CHRM3: variants seen among roughly 807,000 people sequenced by gnomAD.
The protein encoded by CHRM3 is cholinergic receptor muscarinic 3.
CHRM3 carries 11 observed loss-of-function variants against 41.8 expected under a neutral mutation model. That is an observed-to-expected ratio of 0.26 (90% CI 0.17 to 0.44). The LOEUF (loss-of-function observed/expected upper bound fraction) is 0.44, where lower values mean the gene tolerates loss of function less well. Among genes scored for constraint, CHRM3 ranks in the 20% least tolerant of loss-of-function variants. The pLI, the probability that CHRM3 is intolerant of heterozygous loss-of-function variation, is 1.00. For missense variants in CHRM3, 571 were observed against 745.4 expected, an observed-to-expected ratio of 0.77 and a Z score of 2.72; for synonymous variants, 297 against 301.4, an observed-to-expected ratio of 0.99 and a Z score of 0.15.
intron 4 of CHRM3, among the ~76,000 whole-genome samples, chr1:239,663,588 T>TA (rs1447373499): frequency 6.6e-6 from 1 of 152,192 alleles, no homozygotes; most frequent in Non-Finnish European, 1.5e-5. Context: ...TAAAGCACAA[T>TA]AACTAAAACT....
At chr1:239,554,721 A>G (rs913049148) in intron 3 of CHRM3, among the ~76,000 whole-genome samples, 17 of 132,262 alleles carry the variant, frequency 1.3e-4, no homozygotes, top group African/African-American at 3.8e-4. Flanking sequence ...TGGTTCATGT[A>G]TTTCTTTCTT....
chr1:239,632,908 A>G (rs892728663), intron 4 of CHRM3, among the ~76,000 whole-genome samples: 5 of 152,228 alleles, frequency 3.3e-5, no homozygotes, highest in Non-Finnish European at 5.9e-5. Flanking sequence ...TCACAGTTCT[A>G]CATGGCCGGG....
rs72632885 is a variant in CHRM3 at position 239,656,251 on chromosome 1, A to G, written c.-249-21935A>G. Among the ~76,000 whole-genome samples, 437 of 152,146 alleles carry G rather than the reference A, an allele frequency of 2.9e-3. 14 individuals are homozygous for G. The East Asian group carries it at 0.075, about 26-fold the overall frequency. On this transcript the variant is annotated intron_variant, in intron 4 of 6. Coordinates refer to ENST00000676153, the MANE Select transcript of CHRM3 (RefSeq NM_001375978.1). ...GATCATTAGACACCTAAACCTCGAC[A>G]TCACACAAGATACTCGTGTAATAAA...
intron 3 of CHRM3, among the ~76,000 whole-genome samples, chr1:239,548,853 A>G (rs994280649): frequency 4.6e-5 from 7 of 152,220 alleles, no homozygotes; most frequent in South Asian, 2.1e-4. Flanking sequence ...AATAAAAGGA[A>G]AAAAGCAAGG....
chr1:239,580,318 G>T, intron 3 of CHRM3, among the ~76,000 whole-genome samples: 1 of 139,830 alleles, frequency 7.2e-6, no homozygotes, highest in Admixed American at 7.2e-5. Flanking sequence ...ATCAAAAATT[G>T]ACCATATTCA....
At chr1:239,813,173 G>C (rs534073076) in intron 5 of CHRM3, among the ~76,000 whole-genome samples, 11 of 152,270 alleles carry the variant, frequency 7.2e-5, no homozygotes, top group African/African-American at 1.2e-4. Context: ...AGCTACTTGG[G>C]AGGCTGAGGC....
chr1:239,485,109 C>T (rs1485404978), intron 1 of CHRM3, among the ~76,000 whole-genome samples: 9 of 152,020 alleles, frequency 5.9e-5, no homozygotes, highest in Admixed American at 4.6e-4. Flanking sequence ...AACTATTTCT[C>T]TACTAAGGAA....
intron 3 of CHRM3, among the ~76,000 whole-genome samples, chr1:239,606,844 G>C (rs1666363065): frequency 6.6e-6 from 1 of 152,070 alleles, no homozygotes; most frequent in Non-Finnish European, 1.5e-5. Context: ...GGTCTCTTCT[G>C]TGCACCCAAA....
At chr1:239,546,714 T>C (rs1447379290) in intron 3 of CHRM3, 1 of 152,194 alleles carries the variant, frequency 6.6e-6, no homozygotes, top group Non-Finnish European at 1.5e-5. Flanking sequence ...GCTGCTTCTC[T>C]CCATCGTGTT....
intron 5 of CHRM3, among the ~76,000 whole-genome samples, chr1:239,776,690 G>C (rs552836292): frequency 6.6e-6 from 1 of 152,140 alleles, no homozygotes; most frequent in Non-Finnish European, 1.5e-5. Flanking sequence ...TTCTCATGCT[G>C]CTAATAAAGA....
chr1:239,737,903 C>A (rs1481335825), intron 5 of CHRM3, among the ~76,000 whole-genome samples: 1 of 151,938 alleles, frequency 6.6e-6, no homozygotes, highest in Non-Finnish European at 1.5e-5. Context: ...AAAAAACAAA[C>A]AAACAAAAAA....
intron 5 of CHRM3, among the ~76,000 whole-genome samples, chr1:239,715,443 C>T (rs1306921497): frequency 6.6e-6 from 1 of 152,102 alleles, no homozygotes; most frequent in Non-Finnish European, 1.5e-5. Flanking sequence ...TACAGATGAC[C>T]ATGGCGTAAA....
At chr1:239,803,502 A>C (rs902613902) in intron 5 of CHRM3, among the ~76,000 whole-genome samples, 4 of 152,206 alleles carry the variant, frequency 2.6e-5, no homozygotes, top group Admixed American at 6.5e-5. Context: ...AGGAAAGTAT[A>C]TTATATCAGT....
chr1:239,886,823 GGT>G (rs1678112325), intron 6 of CHRM3, among the ~76,000 whole-genome samples: 1 of 152,106 alleles, frequency 6.6e-6, no homozygotes, highest in Non-Finnish European at 1.5e-5. Flanking sequence ...AGCATTACCG[GGT>G]TTCTCTGTGA....
At chr1:239,774,526 T>C (rs1667946072) in intron 5 of CHRM3, among the ~76,000 whole-genome samples, 1 of 152,212 alleles carries the variant, frequency 6.6e-6, no homozygotes, top group Non-Finnish European at 1.5e-5. Flanking sequence ...CTTTTGAGGC[T>C]GAAGTCTTTG....
At chr1:239,568,248 G>A (rs967251288) in intron 3 of CHRM3, among the ~76,000 whole-genome samples, 1 of 152,156 alleles carries the variant, frequency 6.6e-6, no homozygotes, top group African/African-American at 2.4e-5. Context: ...ATCTTGAATT[G>A]TAGCTGTTAT....
intron 3 of CHRM3, among the ~76,000 whole-genome samples, chr1:239,622,919 T>C (rs1170009016): frequency 6.6e-6 from 1 of 152,094 alleles, no homozygotes; most frequent in Non-Finnish European, 1.5e-5. Flanking sequence ...AGAAATCTTT[T>C]ACAAAAGAAA....
chr1:239,681,567 A>G (rs964440177), intron 5 of CHRM3, among the ~76,000 whole-genome samples: 1 of 152,210 alleles, frequency 6.6e-6, no homozygotes, highest in Non-Finnish European at 1.5e-5. Flanking sequence ...AAAAACATGT[A>G]TATGACATTC....
At chr1:239,514,666 TAGGAGGGTAAA>T (rs1372903622) in intron 2 of CHRM3, among the ~76,000 whole-genome samples, 2 of 152,142 alleles carry the variant, frequency 1.3e-5, no homozygotes, top group East Asian at 3.8e-4. Context: ...AAAAGAGTAG[TAGGAGGGTAAA>T]TCCTTGTCTT....
Sources: allele counts gnomAD v4.1 joint callset (sites outside exome capture counted in the v4.1 genomes callset), GRCh38; gene constraint gnomAD v4.1.1; transcripts MANE v1.5; gene names NCBI Gene and HGNC (gene_info 2026-07-23, HGNC 2026-07-21).